Variants in PTK2 observed in about 807,000 individuals in gnomAD.
The protein encoded by PTK2 is focal adhesion kinase 1.
Under a neutral mutation model 150.1 loss-of-function variants are expected in PTK2, and 45 were observed. That is an observed-to-expected ratio of 0.30 (90% CI 0.24 to 0.38). The LOEUF (loss-of-function observed/expected upper bound fraction) is 0.38, where lower values mean the gene tolerates loss of function less well. PTK2 is among the 10% of genes least tolerant of loss of function. PTK2 has a pLI of 1.00. For missense variants in PTK2, 919 were observed against 1,307.3 expected (o/e 0.70, Z 4.58); for synonymous variants, 432 against 449.2 (o/e 0.96, Z 0.48).
intron 1 of PTK2, among the ~76,000 whole-genome samples, chr8:140,930,816 G>A (rs1659522053): frequency 6.6e-6 from 1 of 152,158 alleles, no homozygotes; most frequent in Admixed American, 6.5e-5. Flanking sequence ...ACTCACATCT[G>A]TAATCCCAGC....
At chr8:140,773,179 C>G (rs1414294941) in intron 14 of PTK2, among the ~76,000 whole-genome samples, 1 of 151,972 alleles carries the variant, frequency 6.6e-6, no homozygotes, top group Non-Finnish European at 1.5e-5. Context: ...TTGAGTAATA[C>G]CAAGAATATT....
At chr8:140,701,803 T>A (rs1337119225) in intron 25 of PTK2, among the ~76,000 whole-genome samples, 2 of 152,026 alleles carry the variant, frequency 1.3e-5, no homozygotes, top group Non-Finnish European at 2.9e-5. Flanking sequence ...AGCATTTGAG[T>A]AGATGGGGTA....
intron 14 of PTK2, among the ~76,000 whole-genome samples, chr8:140,768,194 A>G (rs1395840018): frequency 6.6e-6 from 1 of 151,918 alleles, no homozygotes; most frequent in Non-Finnish European, 1.5e-5. Context: ...TATGATCACC[A>G]TCCCTATTTC....
intron 14 of PTK2, among the ~76,000 whole-genome samples, chr8:140,772,707 TAAC>T (rs772227995): frequency 1.1e-4 from 16 of 151,740 alleles, no homozygotes; most frequent in Non-Finnish European, 1.8e-4. Context: ...AGGAAAAAAC[TAAC>T]AACAACAACA....
At position 140,879,650 on chromosome 8, in the gene PTK2, C is replaced by G; in HGVS notation, c.196-13G>C. On this transcript the variant is annotated splice_polypyrimidine_tract_variant and intron_variant, in intron 3 of 31. Coordinates refer to ENST00000522684, the Ensembl canonical transcript of PTK2. Reference sequence around the variant, plus strand: ...TCTGAATGATGCCCTAAAACATACCCCCCACAAGAATGACTGTTATAAACT... The same window carrying G: ...TCTGAATGATGCCCTAAAACATACCGCCCACAAGAATGACTGTTATAAACT... The G allele has an allele frequency of 7.6e-7, 1 of 1,310,880 alleles. No individual in the cohort carries two copies. The highest frequency in any genetic ancestry group is 1.0e-6 in the Non-Finnish European group (1 of 985,584). 81.2% of individuals were successfully genotyped at this position (1,310,880 alleles called of 1,614,324 possible).
chr8:140,829,004 C>T (rs570756331), intron 8 of PTK2, among the ~76,000 whole-genome samples: 9 of 152,322 alleles, frequency 5.9e-5, no homozygotes, highest in South Asian at 2.1e-4. Context: ...GACAGTGTCT[C>T]GATCTGTAGT....
In PTK2 at chr8:140,928,957, A is replaced by ATTTTTT. The variant is rs34658967; in HGVS notation, c.-121-3214_-121-3209dup. Among the ~76,000 whole-genome samples the ATTTTTT allele has an allele frequency of 2.4e-3, 220 of 92,232 alleles. 23 individuals are homozygous for ATTTTTT. Among genetic ancestry groups the ATTTTTT allele is most frequent in the East Asian group, 7.7e-3 (20 of 2,612 alleles). The allele number at this position is 92,232 out of a possible 152,430, so 60.5% of individuals were successfully genotyped here. A position where few individuals can be genotyped will look rare whatever the true frequency, so the allele number is the denominator to read the frequency against. On this transcript the variant is annotated intron_variant, in intron 1 of 31. Coordinates refer to ENST00000522684, the Ensembl canonical transcript of PTK2. ...TTTTTTAAAATTTATTTTTATCACAATTTTTTTTTTTTTTTTTTTTTTTTT... is the reference window on the plus strand; with the variant it reads ...TTTTTTAAAATTTATTTTTATCACAATTTTTTTTTTTTTTTTTTTTTTTTTTTTTTT...
rs557597840 is a variant in PTK2, at chr8:140,731,996, G to A, written c.2030+3255C>T. 4.6e-5 allele frequency among the ~76,000 whole-genome samples: 7 copies of A among 152,312 alleles called. No homozygotes were observed. The South Asian group carries it at 1.5e-3, about 32-fold the overall frequency. ...CTTGCAAATATTCTTTCAAGGTAGG[G>A]AAGGAGAATTCTTTCGAGGTCAAGA... On this transcript the variant is annotated intron_variant, in intron 22 of 31. Coordinates refer to ENST00000522684, the Ensembl canonical transcript of PTK2.
chr8:140,866,420 G>T (rs1162943926), intron 4 of PTK2, among the ~76,000 whole-genome samples: 2 of 152,160 alleles, frequency 1.3e-5, no homozygotes, highest in Non-Finnish European at 2.9e-5. Flanking sequence ...TGTATGACAG[G>T]AATTGTGACG....
chr8:140,995,299 C>T (rs181467314), intron 1 of PTK2, among the ~76,000 whole-genome samples: 34 of 147,770 alleles, frequency 2.3e-4, no homozygotes, highest in African/African-American at 8.0e-4. Context: ...AGGCGAATCG[C>T]TTGAACCTGG....
At chr8:140,679,326 C>T (rs1247952227) in intron 27 of PTK2, among the ~76,000 whole-genome samples, 1 of 152,008 alleles carries the variant, frequency 6.6e-6, no homozygotes, top group Non-Finnish European at 1.5e-5. Context: ...CGCCTGGCCC[C>T]ATGCTCATTT....
intron 1 of PTK2, among the ~76,000 whole-genome samples, chr8:140,935,702 C>CTTTT (rs34554819): frequency 8.1e-6 from 1 of 123,856 alleles, no homozygotes; most frequent in Middle Eastern, 4.2e-3. Flanking sequence ...ATGTCCTCAT[C>CTTTT]TTTTTTTTTT....
chr8:140,855,192 A>T (rs2154605071), intron 5 of PTK2, among the ~76,000 whole-genome samples: 1 of 152,244 alleles, frequency 6.6e-6, no homozygotes, highest in Non-Finnish European at 1.5e-5. Context: ...ATTAAAAGAG[A>T]ACACTAAGGA....
chr8:140,859,892 G>C (rs911846009), intron 5 of PTK2, among the ~76,000 whole-genome samples: 6 of 152,138 alleles, frequency 3.9e-5, no homozygotes, highest in African/African-American at 1.4e-4. Context: ...TAACAGTTCT[G>C]GAATTGCGAA....
At chr8:140,835,100 G>A (rs72683764) in intron 7 of PTK2, among the ~76,000 whole-genome samples, 35 of 152,302 alleles carry the variant, frequency 2.3e-4, no homozygotes, top group Non-Finnish European at 4.1e-4. Flanking sequence ...CCCACTCACT[G>A]AGATGAATCC....
At chr8:140,660,573 A>G (rs1563749126) in intron 31 of PTK2, 1 of 453,186 alleles carries the variant, frequency 2.2e-6, no homozygotes. Context: ...AAAAATACAA[A>G]AAGTTAGCTG....
intron 31 of PTK2, among the ~76,000 whole-genome samples, chr8:140,663,906 G>A (rs1250055509): frequency 2.0e-5 from 3 of 152,042 alleles, no homozygotes; most frequent in Admixed American, 6.6e-5. Context: ...CTCTTGTCTC[G>A]GCCGCCCAAA....
chr8:140,691,221 C>T (rs2100023037), intron 26 of PTK2, among the ~76,000 whole-genome samples: 1 of 151,260 alleles, frequency 6.6e-6, no homozygotes, highest in Non-Finnish European at 1.5e-5. Flanking sequence ...ACTATGTTAT[C>T]CAGGCTGGTC....
chr8:140,813,618 A>G (rs1277896407), intron 10 of PTK2, among the ~76,000 whole-genome samples: 1 of 152,242 alleles, frequency 6.6e-6, no homozygotes, highest in Admixed American at 6.5e-5. Flanking sequence ...GACACAATGT[A>G]CCAGAATCTC....
Sources: gnomAD v4.1 joint callset for allele counts (sites outside exome capture counted in the v4.1 genomes callset) on GRCh38, gnomAD v4.1.1 for gene constraint, MANE v1.5 for transcripts, NCBI Gene and HGNC (gene_info 2026-07-23, HGNC 2026-07-21) for gene names.